Variants in GALNT18 observed in about 807,000 individuals in gnomAD.
GALNT18 encodes the protein GalNAc-transferase 18.
Under a neutral mutation model 69.5 loss-of-function variants are expected in GALNT18, and 44 were observed. That is an observed-to-expected ratio of 0.63 (90% CI 0.50 to 0.81). The LOEUF is 0.81. GALNT18 is among the 40% of genes least tolerant of loss of function. The probability of loss-of-function intolerance (pLI) is 0.00; values close to 1 mark genes in which losing one functional copy is unlikely to be tolerated. For synonymous variants in GALNT18, 364 were observed against 318.2 expected (o/e 1.14, Z -1.53); for missense variants, 715 against 810.0 (o/e 0.88, Z 1.42).
At chr11:11,561,290 C>T (rs1325727339) in intron 1 of GALNT18, among the ~76,000 whole-genome samples, 2 of 152,160 alleles carry the variant, frequency 1.3e-5, no homozygotes, top group Non-Finnish European at 2.9e-5. Context: ...ACCTTCCACT[C>T]GCAACGCCAC....
intron 10 of GALNT18, among the ~76,000 whole-genome samples, chr11:11,273,390 G>T (rs567880705): frequency 6.6e-6 from 1 of 152,106 alleles, no homozygotes; most frequent in Non-Finnish European, 1.5e-5. Context: ...ATGGGCAAAA[G>T]ATCTGAACAG....
intron 8 of GALNT18, among the ~76,000 whole-genome samples, chr11:11,331,820 C>A (rs1483457912): frequency 6.6e-6 from 1 of 152,122 alleles, no homozygotes; most frequent in Non-Finnish European, 1.5e-5. Flanking sequence ...TGTGTTTAGA[C>A]TGTAAGTCAG....
Position 11,469,280 on chromosome 11 carries a change from G to C in GALNT18, c.236-20344C>G, listed in dbSNP as rs1353351056. Among the ~76,000 whole-genome samples the C allele has an allele frequency of 1.3e-5, 2 of 152,178 alleles. No homozygotes were observed. The highest frequency in any genetic ancestry group is 4.8e-5 in the African/African-American group (2 of 41,440). ...ACCATGGTACCAGACTGTTCCCAGGGACTTCACAGAGGGAGCAGATGAAAG... is the reference window on the plus strand; with the variant it reads ...ACCATGGTACCAGACTGTTCCCAGGCACTTCACAGAGGGAGCAGATGAAAG... On this transcript the variant is annotated intron_variant, in intron 1 of 10. Transcript: ENST00000227756. The surrounding 1 kb of genome is among the most constrained non-coding windows in gnomAD (Gnocchi z 4.2).
At chr11:11,516,927 G>C (rs761898975) in intron 1 of GALNT18, among the ~76,000 whole-genome samples, 4 of 152,246 alleles carry the variant, frequency 2.6e-5, no homozygotes, top group Middle Eastern at 3.2e-3. Context: ...AAGTTCATAC[G>C]GTGAAATCCT....
In GALNT18 at chr11:11,372,032, A is replaced by G. The variant is rs940392358; in HGVS notation, c.1092+483T>C. On this transcript the variant is annotated intron_variant, in intron 6 of 10. Transcript: ENST00000227756. This position sits in a 1 kb window ranked among gnomAD's most constrained non-coding sequence, Gnocchi z 4.9. Reference sequence around the variant, plus strand: ...AGCAGCCTGCAGTGAGCCTGGCTGCATCTTGCTGTTTATACACCCTGAGTT... The same window carrying G: ...AGCAGCCTGCAGTGAGCCTGGCTGCGTCTTGCTGTTTATACACCCTGAGTT... Among the ~76,000 whole-genome samples the G allele has an allele frequency of 7.9e-5, 12 of 152,210 alleles. No individual in the cohort carries two copies. Among genetic ancestry groups the G allele is most frequent in the African/African-American group, 2.9e-4 (12 of 41,452 alleles).
At chr11:11,289,434 A>C (rs1417441689) in intron 10 of GALNT18, among the ~76,000 whole-genome samples, 1 of 152,200 alleles carries the variant, frequency 6.6e-6, no homozygotes, top group African/African-American at 2.4e-5. Context: ...GCCTTGTGCC[A>C]CAGATGCCTG....
At chr11:11,549,328 G>C (rs987607531) in intron 1 of GALNT18, among the ~76,000 whole-genome samples, 1 of 152,182 alleles carries the variant, frequency 6.6e-6, no homozygotes, top group Admixed American at 6.5e-5. Context: ...CTTCTATCTT[G>C]CTTAAGCCAC....
At chr11:11,433,583 A>G (rs936531123) in intron 2 of GALNT18, among the ~76,000 whole-genome samples, 1 of 152,194 alleles carries the variant, frequency 6.6e-6, no homozygotes, top group African/African-American at 2.4e-5. Flanking sequence ...CTCTGCTGAA[A>G]TCCTGAAGCC....
At chr11:11,427,354 G>C (rs1855156541) in intron 3 of GALNT18, among the ~76,000 whole-genome samples, 1 of 152,194 alleles carries the variant, frequency 6.6e-6, no homozygotes, top group South Asian at 2.1e-4. Context: ...CTCAGTTCCT[G>C]TGTTTGAGGA....
At chr11:11,458,981 G>C (rs1855982654) in intron 1 of GALNT18, among the ~76,000 whole-genome samples, 1 of 152,192 alleles carries the variant, frequency 6.6e-6, no homozygotes, top group Non-Finnish European at 1.5e-5. Context: ...GCCAGTGTTT[G>C]CGTTTTACTT....
chr11:11,489,762 C>T (rs1274652137), intron 1 of GALNT18, among the ~76,000 whole-genome samples: 2 of 152,206 alleles, frequency 1.3e-5, no homozygotes, highest in African/African-American at 4.8e-5. Context: ...TATGTGTTAA[C>T]TCTTATTCCT....
At chr11:11,516,906 A>C (rs1857289477) in intron 1 of GALNT18, among the ~76,000 whole-genome samples, 1 of 152,234 alleles carries the variant, frequency 6.6e-6, no homozygotes, top group African/African-American at 2.4e-5. Flanking sequence ...CTGAATGTAT[A>C]TGAACCCACA....
At chr11:11,553,483 C>T (rs532105947) in intron 1 of GALNT18, among the ~76,000 whole-genome samples, 2 of 152,222 alleles carry the variant, frequency 1.3e-5, no homozygotes, top group South Asian at 4.1e-4. Flanking sequence ...TCTGTCACCC[C>T]CTCCCTGCCT....
rs1337224882 is a variant in GALNT18, at chr11:11,494,570, G to C, written c.236-45634C>G. ...ACCCCTTGTGGGTGAGCTGAAGGCA[G>C]AGTCATGCCTCACAATTCACTGCAG... is the stretch of plus-strand genomic sequence containing the variant. On this transcript the variant is annotated intron_variant, in intron 1 of 10. Transcript: ENST00000227756. This position sits in a 1 kb window ranked among gnomAD's most constrained non-coding sequence, Gnocchi z 5.7. 1.3e-5 allele frequency among the ~76,000 whole-genome samples: 2 copies of C among 152,222 alleles called. No homozygotes were observed. The highest frequency in any genetic ancestry group is 2.9e-5 in the Non-Finnish European group (2 of 68,040).
rs565194674 is a variant in GALNT18 at position 11,309,147 on chromosome 11, G to C, written c.1513-15954C>G. Among the ~76,000 whole-genome samples, 7 of 152,106 alleles carry C rather than the reference G, an allele frequency of 4.6e-5. No individual in the cohort carries two copies. The highest frequency in any genetic ancestry group is 1.7e-4 in the African/African-American group (7 of 41,496). On this transcript the variant is annotated intron_variant, in intron 9 of 10. Coordinates refer to ENST00000227756, the MANE Select transcript of GALNT18 (RefSeq NM_198516.3). This position sits in a 1 kb window ranked among gnomAD's most constrained non-coding sequence, Gnocchi z 4.6. ...TCAAGGGAATGGGTTCCTTGTAAAA[G>C]GACAAGTTTAGTCCCCTCTCTAGCC...
At chr11:11,475,939 A>T (rs1219808297) in intron 1 of GALNT18, 3 of 152,218 alleles carry the variant, frequency 2.0e-5, no homozygotes, top group African/African-American at 7.2e-5. Context: ...ATCCAGGAAC[A>T]GAGCTGGGGG....
intron 10 of GALNT18, among the ~76,000 whole-genome samples, chr11:11,284,875 C>T (rs904770038): frequency 1.2e-4 from 17 of 137,652 alleles, no homozygotes; most frequent in Non-Finnish European, 4.7e-5. Context: ...ATTATGAATA[C>T]TCAACACCTG....
chr11:11,277,822 T>C (rs542944012), intron 10 of GALNT18, among the ~76,000 whole-genome samples: 1 of 152,366 alleles, frequency 6.6e-6, no homozygotes, highest in South Asian at 2.1e-4. Flanking sequence ...TGAGGGAGTT[T>C]CTTAATCCTG....
At position 11,541,489 on chromosome 11, in the gene GALNT18, A is replaced by C. The variant is rs2133955864; in HGVS notation, c.235+79870T>G. On this transcript the variant is annotated intron_variant, in intron 1 of 10. Coordinates refer to ENST00000227756, the MANE Select transcript of GALNT18 (RefSeq NM_198516.3). The surrounding 1 kb of genome is among the most constrained non-coding windows in gnomAD (Gnocchi z 4.8). ...TTGGGGTGATCTTTCTAGACCACAAACCTCGTCATGCCACTTTCTACTTAA... is the reference window on the plus strand; with the variant it reads ...TTGGGGTGATCTTTCTAGACCACAACCCTCGTCATGCCACTTTCTACTTAA... Among the ~76,000 whole-genome samples the C allele has an allele frequency of 6.6e-6, 1 of 152,188 alleles. No homozygotes were observed. Among genetic ancestry groups the C allele is most frequent in the South Asian group, 2.1e-4 (1 of 4,818 alleles).
Sources: gnomAD v4.1 joint callset for allele counts (sites outside exome capture counted in the v4.1 genomes callset) on GRCh38, gnomAD v4.1.1 for gene constraint, Gnocchi (gnomAD v3.1) non-coding constraint, MANE v1.5 for transcripts, NCBI Gene and HGNC (gene_info 2026-07-23, HGNC 2026-07-21) for gene names.